The following NIPAL2 variants were observed in gnomAD, a reference collection of about 807,000 sequenced individuals.
NIPAL2 encodes the protein NIPA like domain containing 2.
In NIPAL2, 43 loss-of-function variants were observed where a neutral mutation model predicts 48.9. The observed-to-expected ratio is 0.88, with a 90% confidence interval of 0.69 to 1.13. The LOEUF (loss-of-function observed/expected upper bound fraction) is 1.13, where lower values mean the gene tolerates loss of function less well. NIPAL2 is among the 50% of genes most tolerant of loss of function. The probability of loss-of-function intolerance (pLI) is 0.00; values close to 1 mark genes in which losing one functional copy is unlikely to be tolerated. For synonymous variants in NIPAL2, 167 were observed against 174.6 expected, an observed-to-expected ratio of 0.96 and a Z score of 0.34; for missense variants, 446 against 461.4, an observed-to-expected ratio of 0.97 and a Z score of 0.31.
chr8:98,254,137 G>T, intron 1 of NIPAL2, 50 bp from the exon 2 acceptor site: 1 of 1,442,394 alleles, frequency 6.9e-7, no homozygotes, highest in Non-Finnish European at 9.6e-7. Flanking sequence ...ATATTTACTG[G>T]AAGAAAAAAG....
intron 1 of NIPAL2, among the ~76,000 whole-genome samples, chr8:98,279,919 C>T (rs774352430): frequency 3.9e-5 from 6 of 152,138 alleles, no homozygotes; most frequent in East Asian, 1.9e-4. Context: ...TTGGCAAATA[C>T]GTGGTGGCAG....
At chr8:98,266,140 G>A (rs1814716014) in intron 1 of NIPAL2, among the ~76,000 whole-genome samples, 1 of 106,508 alleles carries the variant, frequency 9.4e-6, no homozygotes, top group East Asian at 3.6e-4. Context: ...TGTGGGGTGG[G>A]GGGAGGGGGG....
Position 98,190,209 on chromosome 8 carries a change from A to G in NIPAL2, c.*2769T>C, listed in dbSNP as rs1231504889. 6.6e-6 allele frequency: 1 copy of G among 152,140 alleles called. No homozygotes were observed. Among genetic ancestry groups the G allele is most frequent in the Non-Finnish European group, 1.5e-5 (1 of 68,048 alleles). 9.4% of individuals were successfully genotyped at this position (152,140 alleles called of 1,614,324 possible). ...ATGAGCCATGAGTGTCACTTTTTAA[A>G]CTCCTTCCCTGAATGCCCAATCAAC... On this transcript the variant is annotated 3_prime_UTR_variant, in exon 11 of 11. Transcript: ENST00000430223.
chr8:98,196,191 A>G (rs768937721), intron 8 of NIPAL2, among the ~76,000 whole-genome samples, 186 bp from the exon 9 acceptor site: 34 of 152,272 alleles, frequency 2.2e-4, no homozygotes, highest in Non-Finnish European at 4.6e-4. Context: ...TATTCCAAAA[A>G]GAACATAGAT....
chr8:98,240,168 ATATT>A (rs1244298027), intron 3 of NIPAL2, among the ~76,000 whole-genome samples: 1 of 152,230 alleles, frequency 6.6e-6, no homozygotes, highest in African/African-American at 2.4e-5. Context: ...TTATGACTGG[ATATT>A]TACTTAAGCA....
chr8:98,212,848 G>C (rs920098108), intron 5 of NIPAL2, among the ~76,000 whole-genome samples: 2 of 152,074 alleles, frequency 1.3e-5, no homozygotes, highest in African/African-American at 4.8e-5. Flanking sequence ...TTCCCAGCTT[G>C]TTCCTCCAGG....
intron 1 of NIPAL2, among the ~76,000 whole-genome samples, chr8:98,289,554 T>C (rs1389849780): frequency 6.6e-6 from 1 of 152,002 alleles, no homozygotes; most frequent in Non-Finnish European, 1.5e-5. Flanking sequence ...TCGTTCTATG[T>C]TGCCCAGGCT....
chr8:98,275,063 C>T (rs1287968101), intron 1 of NIPAL2, among the ~76,000 whole-genome samples: 1 of 151,938 alleles, frequency 6.6e-6, no homozygotes, highest in Non-Finnish European at 1.5e-5. Context: ...CTCTAACTGC[C>T]CTCCCTAAAT....
chr8:98,231,840 A>C (rs1208024339), intron 4 of NIPAL2: 1 of 152,164 alleles, frequency 6.6e-6, no homozygotes, highest in Non-Finnish European at 1.5e-5. Context: ...CATCATGAAA[A>C]ACAAACTTTC....
chr8:98,289,300 C>T (rs551351615), intron 1 of NIPAL2, among the ~76,000 whole-genome samples: 30 of 151,932 alleles, frequency 2.0e-4, no homozygotes, highest in Middle Eastern at 3.4e-3. Flanking sequence ...TGCATCAATG[C>T]GAATATTATA....
chr8:98,245,334 A>C (rs943752021), intron 3 of NIPAL2, among the ~76,000 whole-genome samples: 1 of 152,358 alleles, frequency 6.6e-6, no homozygotes, highest in Admixed American at 6.5e-5. Flanking sequence ...TATGTCAATT[A>C]CAATGTATTC....
At chr8:98,197,181 A>G (rs1297776590) in intron 8 of NIPAL2, among the ~76,000 whole-genome samples, 2 of 152,000 alleles carry the variant, frequency 1.3e-5, no homozygotes, top group East Asian at 3.9e-4. Flanking sequence ...ACCACATCAC[A>G]ATAAAGCTAA....
chr8:98,219,335 C>T (rs1008886930), intron 5 of NIPAL2, among the ~76,000 whole-genome samples: 10 of 151,916 alleles, frequency 6.6e-5, no homozygotes, highest in African/African-American at 1.2e-4. Flanking sequence ...TTTTAGAAGA[C>T]GTTGGAAGAG....
Position 98,252,516 on chromosome 8 carries a change from T to C in NIPAL2, c.323A>G (p.Tyr108Cys), listed in dbSNP as rs781445338. Residue 108 changes from tyrosine to cysteine, a missense_variant, in exon 3 of 11, where the codon TAT becomes TGT. By Grantham distance (194) the Tyr-to-Cys change is radical. Coordinates refer to ENST00000430223, the MANE Select transcript of NIPAL2 (RefSeq NM_001321635.2). ...GATCAGAGTAATGGGAGCAAATCCA[T>C]AGGCTGCAAAGTTCCCCGTCTCTCC... ...AVGETGNFAA[Y>C]GFAPITLIAP... is the part of the protein sequence containing the mutation. 3.7e-6 allele frequency: 6 copies of C among 1,613,954 alleles called. No individual in the cohort carries two copies. In the South Asian group the frequency reaches 5.5e-5, roughly 15 times the overall value.
At chr8:98,199,549 A>G (rs556924567) in intron 8 of NIPAL2, among the ~76,000 whole-genome samples, 2 of 152,200 alleles carry the variant, frequency 1.3e-5, no homozygotes, top group South Asian at 2.1e-4. Flanking sequence ...GGAGCATCAG[A>G]ACACATACAT....
chr8:98,236,078 A>C (rs1160703927), intron 4 of NIPAL2, 77 bp downstream of exon 4: 1 of 1,036,214 alleles, frequency 9.7e-7, no homozygotes, highest in Admixed American at 2.0e-5. Flanking sequence ...TTTTTATCGC[A>C]CATATTTTTT....
rs549739553 is a variant in NIPAL2 at position 98,234,639 on chromosome 8, C to T, written c.436+1516G>A. On this transcript the variant is annotated intron_variant, in intron 4 of 10. Transcript: ENST00000430223. ...CTTGGTTCACTGCAGCCTCGTCCTC[C>T]CAGGCTCAGGTGATCCTCCTGCCTC... is the stretch of plus-strand genomic sequence containing the variant. Among the ~76,000 whole-genome samples the T allele has an allele frequency of 2.6e-5, 4 of 152,066 alleles. No individual in the cohort carries two copies. The South Asian group carries it at 8.3e-4, about 32-fold the overall frequency.
At chr8:98,201,532 G>A (rs1241987358) in intron 8 of NIPAL2, among the ~76,000 whole-genome samples, 3 of 151,954 alleles carry the variant, frequency 2.0e-5, no homozygotes, top group Admixed American at 6.6e-5. Flanking sequence ...ATACAGGTCC[G>A]TGCCACCATA....
intron 5 of NIPAL2, among the ~76,000 whole-genome samples, chr8:98,219,925 G>A (rs1811766744): frequency 6.6e-6 from 1 of 152,108 alleles, no homozygotes; most frequent in Non-Finnish European, 1.5e-5. Flanking sequence ...TGAAGAGTTA[G>A]TGGGAGCTAA....
Sources: gnomAD v4.1 joint callset for allele counts (sites outside exome capture counted in the v4.1 genomes callset) on GRCh38, gnomAD v4.1.1 for gene constraint, MANE v1.5 for transcripts, NCBI Gene and HGNC (gene_info 2026-07-23, HGNC 2026-07-21) for gene names.